SRGAP3: variants seen among roughly 807,000 people sequenced by gnomAD.
The protein encoded by SRGAP3 is SLIT-ROBO Rho GTPase-activating protein 3.
A neutral mutation model predicts 121.1 loss-of-function variants in SRGAP3; 39 were observed. The observed-to-expected ratio is 0.32, with a 90% CI of 0.25 to 0.42. The LOEUF is 0.42. Ranked by LOEUF, SRGAP3 falls within the 10% of genes least tolerant of loss-of-function variation. SRGAP3 has a pLI of 1.00. For synonymous variants in SRGAP3, 601 were observed against 570.0 expected (o/e 1.05, Z -0.77); for missense variants, 1,213 against 1,470.6 (o/e 0.82, Z 2.86).
intron 18 of SRGAP3, among the ~76,000 whole-genome samples, chr3:9,003,703 C>T (rs920940766): frequency 6.6e-5 from 10 of 152,144 alleles, no homozygotes; most frequent in African/African-American, 2.4e-4. Context: ...ATCTAATATC[C>T]TTTCAAGATA....
At chr3:9,198,034 G>T (rs763375320) in intron 1 of SRGAP3, among the ~76,000 whole-genome samples, 1 of 152,180 alleles carries the variant, frequency 6.6e-6, no homozygotes, top group Non-Finnish European at 1.5e-5. Context: ...CTTGCAGGTA[G>T]GTTGTCTGTT....
rs914205679 is a variant in SRGAP3 at position 9,260,263 on chromosome 3, C to T, written n.442+65747G>A. Among the ~76,000 whole-genome samples the T allele has an allele frequency of 3.3e-5, 5 of 152,036 alleles. No homozygotes were observed. In the South Asian group the frequency reaches 6.2e-4, roughly 19 times the overall value. ...CTGAGCTAGCTGCAGGAGTTTTTTT[C>T]GTACCCCAGTGGTGCCTGGAATGCC... On this transcript the variant is annotated intron_variant and non_coding_transcript_variant, in intron 3 of 3. Transcript: ENST00000490889.
chr3:9,228,605 C>T (rs1241570526), intron 1 of SRGAP3, among the ~76,000 whole-genome samples: 1 of 152,140 alleles, frequency 6.6e-6, no homozygotes, highest in Non-Finnish European at 1.5e-5. Flanking sequence ...TGGAGGGGTG[C>T]TGGGGATGCA....
intron 1 of SRGAP3, among the ~76,000 whole-genome samples, chr3:9,221,814 C>A (rs996983402): frequency 1.3e-5 from 2 of 152,192 alleles, no homozygotes; most frequent in Admixed American, 1.3e-4. Flanking sequence ...CAAACTGGCG[C>A]CTTATTTAGT....
chr3:9,157,253 C>G (rs907210998), intron 1 of SRGAP3, among the ~76,000 whole-genome samples: 1 of 152,106 alleles, frequency 6.6e-6, no homozygotes. Flanking sequence ...ATGGTGGCAG[C>G]AGAGAAAGAG....
At chr3:9,148,638 T>C (rs1950105919) in intron 1 of SRGAP3, among the ~76,000 whole-genome samples, 1 of 152,202 alleles carries the variant, frequency 6.6e-6, no homozygotes, top group Non-Finnish European at 1.5e-5. Context: ...GGGCCTCCAA[T>C]TTACAATGGA....
At chr3:9,170,725 C>T (rs1018541562) in intron 1 of SRGAP3, among the ~76,000 whole-genome samples, 2 of 152,234 alleles carry the variant, frequency 1.3e-5, no homozygotes, top group African/African-American at 4.8e-5. Flanking sequence ...ACTTCACAAG[C>T]GTGGGTCTGA....
intron 1 of SRGAP3, among the ~76,000 whole-genome samples, chr3:9,159,708 T>C (rs1950543645): frequency 6.6e-6 from 1 of 152,212 alleles, no homozygotes; most frequent in Admixed American, 6.5e-5. Context: ...GCCTTCCAAG[T>C]AGACAATATG....
intron 18 of SRGAP3, among the ~76,000 whole-genome samples, chr3:9,010,043 G>C (rs918513470): frequency 1.3e-5 from 2 of 152,170 alleles, no homozygotes; most frequent in African/African-American, 4.8e-5. Flanking sequence ...GGGCCAGGCA[G>C]GACACATTAA....
intron 3 of SRGAP3, among the ~76,000 whole-genome samples, chr3:9,299,359 C>CAAAAAAAAA (rs35608018): frequency 1.1e-5 from 1 of 91,256 alleles, no homozygotes; most frequent in Non-Finnish European, 2.2e-5. Flanking sequence ...GACTCCGTCC[C>CAAAAAAAAA]AAAAAAAAAA....
intron 1 of SRGAP3, among the ~76,000 whole-genome samples, chr3:9,339,350 G>A (rs1410082171): frequency 2.6e-5 from 4 of 152,192 alleles, no homozygotes. Context: ...TAAAGGCAGG[G>A]AGCTTAAATC....
At chr3:9,287,941 T>C (rs1170674797) in intron 3 of SRGAP3, among the ~76,000 whole-genome samples, 2 of 152,154 alleles carry the variant, frequency 1.3e-5, no homozygotes, top group Non-Finnish European at 1.5e-5. Context: ...TTTTTTTTAA[T>C]CTATCTTACT....
intron 11 of SRGAP3, chr3:9,034,911 C>T (rs1944673459): frequency 6.6e-6 from 1 of 152,138 alleles, no homozygotes; most frequent in African/African-American, 2.4e-5. Context: ...TAGTGTTTGG[C>T]TTGTTTTTGA....
intron 18 of SRGAP3, among the ~76,000 whole-genome samples, chr3:9,009,929 G>A (rs567695596): frequency 2.0e-5 from 3 of 152,346 alleles, no homozygotes; most frequent in African/African-American, 4.8e-5. Context: ...CTGTGCCCAA[G>A]TCCCAGCACA....
chr3:9,009,521 T>A (rs1459973569), intron 18 of SRGAP3, among the ~76,000 whole-genome samples: 1 of 152,226 alleles, frequency 6.6e-6, no homozygotes, highest in Admixed American at 6.5e-5. Context: ...TGTTCATTTT[T>A]TTTCTGATTT....
At chr3:9,267,194 T>TTC (rs1464888970) in intron 3 of SRGAP3, among the ~76,000 whole-genome samples, 1 of 152,164 alleles carries the variant, frequency 6.6e-6, no homozygotes, top group Non-Finnish European at 1.5e-5. Flanking sequence ...GCAATAAGAC[T>TTC]TCTACTTCCC....
In SRGAP3 at chr3:9,005,795, A is replaced by T. The variant is rs73813247; in HGVS notation, c.2227+4513T>A. Among the ~76,000 whole-genome samples, 610 of 152,318 alleles carry T rather than the reference A, an allele frequency of 4.0e-3. 6 individuals are homozygous for T. Among genetic ancestry groups the T allele is most frequent in the African/African-American group, 0.014 (589 of 41,574 alleles). On this transcript the variant is annotated intron_variant, in intron 18 of 21. Coordinates refer to ENST00000383836, the MANE Select transcript of SRGAP3 (RefSeq NM_014850.4). ...TAGGGATGGGAGGGCGTAAGGAGTG[A>T]TAGCTAAAGGGTACAGGGCTTCTTT... is the stretch of plus-strand genomic sequence containing the variant.
At chr3:9,312,473 CAT>C (rs1246207874) in intron 3 of SRGAP3, among the ~76,000 whole-genome samples, 2 of 152,214 alleles carry the variant, frequency 1.3e-5, no homozygotes, top group Non-Finnish European at 2.9e-5. Context: ...CAATTTTTGA[CAT>C]GTGTCATGCA....
In SRGAP3 at chr3:9,360,192, T is replaced by C. The variant is rs757754443; in HGVS notation, n.214+2648A>G. Among the ~76,000 whole-genome samples the C allele has an allele frequency of 5.9e-5, 9 of 152,170 alleles. No individual in the cohort carries two copies. In the East Asian group the frequency reaches 7.7e-4, roughly 13 times the overall value. ...AATCTTCCCGCCTCTGCCTCCCAAA[T>C]TGCTAGAATTACAGGCATGAGCCAG... On this transcript the variant is annotated intron_variant and non_coding_transcript_variant, in intron 1 of 3. Coordinates refer to the SRGAP3 transcript ENST00000490889.
Sources: allele counts gnomAD v4.1 joint callset (sites outside exome capture counted in the v4.1 genomes callset), GRCh38; gene constraint gnomAD v4.1.1; transcripts MANE v1.5; gene names NCBI Gene and HGNC (gene_info 2026-07-23, HGNC 2026-07-21).